Variants in SLC9A9 observed in about 807,000 individuals in gnomAD.
SLC9A9 encodes solute carrier family 9 member A9.
Under a neutral mutation model 77.8 loss-of-function variants are expected in SLC9A9, and 62 were observed. The ratio of observed to expected loss-of-function variants is 0.80; its 90% CI spans 0.65 to 0.98. The LOEUF (loss-of-function observed/expected upper bound fraction) is 0.98. Ranked by LOEUF, SLC9A9 falls within the 50% of genes least tolerant of loss-of-function variation. The probability of loss-of-function intolerance (pLI) is 0.00; values close to 1 mark genes in which losing one functional copy is unlikely to be tolerated. For missense variants in SLC9A9, 775 were observed against 774.9 expected (o/e 1.00, Z 0.00); for synonymous variants, 320 against 283.5 (o/e 1.13, Z -1.29).
At chr3:143,476,879 G>T (rs917707309) in intron 11 of SLC9A9, among the ~76,000 whole-genome samples, 3 of 152,136 alleles carry the variant, frequency 2.0e-5, no homozygotes, top group African/African-American at 7.2e-5. Flanking sequence ...TAAACATTCT[G>T]CAATGTTCAA....
intron 4 of SLC9A9, among the ~76,000 whole-genome samples, chr3:143,701,104 G>A (rs943166064): frequency 3.2e-4 from 48 of 152,194 alleles, no homozygotes; most frequent in African/African-American, 1.1e-3. Context: ...CTGGGCTTGG[G>A]GTGCCCCTGA....
intron 14 of SLC9A9, among the ~76,000 whole-genome samples, chr3:143,320,708 C>T (rs553961199): frequency 3.2e-4 from 48 of 152,316 alleles, no homozygotes; most frequent in African/African-American, 1.1e-3. Context: ...CATTGGGAAT[C>T]GCATTTCAAC....
chr3:143,804,622 T>C (rs1007359014), intron 2 of SLC9A9, among the ~76,000 whole-genome samples: 3 of 152,206 alleles, frequency 2.0e-5, no homozygotes, highest in Non-Finnish European at 2.9e-5. Context: ...ACCTGCTAAC[T>C]GGACAGGCAC....
At chr3:143,827,408 A>G (rs1002172016) in intron 2 of SLC9A9, among the ~76,000 whole-genome samples, 1 of 152,206 alleles carries the variant, frequency 6.6e-6, no homozygotes, top group Non-Finnish European at 1.5e-5. Flanking sequence ...CTTTAAGTGA[A>G]AATATTTTTT....
At chr3:143,762,534 G>T (rs776588589) in intron 4 of SLC9A9, among the ~76,000 whole-genome samples, 1 of 152,040 alleles carries the variant, frequency 6.6e-6, no homozygotes, top group Non-Finnish European at 1.5e-5. Flanking sequence ...CTTTGTAATG[G>T]GTTGTTTTAG....
intron 12 of SLC9A9, 63 bp downstream of exon 12, chr3:143,466,974 C>T (rs932922638): frequency 6.3e-7 from 1 of 1,575,112 alleles, no homozygotes; most frequent in Non-Finnish European, 8.6e-7. Flanking sequence ...GTCAGCAATA[C>T]CAGAAATTGA....
chr3:143,760,196 T>C (rs1253353318), intron 4 of SLC9A9, among the ~76,000 whole-genome samples: 3 of 152,130 alleles, frequency 2.0e-5, no homozygotes, highest in Non-Finnish European at 2.9e-5. Context: ...ACCTAATTTA[T>C]TGAGAGTTTT....
intron 12 of SLC9A9, among the ~76,000 whole-genome samples, chr3:143,386,687 T>C (rs1171510992): frequency 6.6e-6 from 1 of 152,212 alleles, no homozygotes; most frequent in Non-Finnish European, 1.5e-5. Context: ...CTCCTAGTCC[T>C]TGTTTCTGCA....
intron 6 of SLC9A9, among the ~76,000 whole-genome samples, chr3:143,610,741 A>C (rs573781135): frequency 9.8e-5 from 15 of 152,330 alleles, no homozygotes; most frequent in Admixed American, 7.8e-4. Flanking sequence ...TTGGCATTCA[A>C]CTTAAACCTC....
At chr3:143,796,765 T>C in intron 3 of SLC9A9, 61 bp downstream of exon 3, 8 of 1,201,518 alleles carry the variant, frequency 6.7e-6, no homozygotes, top group Non-Finnish European at 9.7e-6. Flanking sequence ...CAGTTTCTCA[T>C]TAGTGCTGGT....
At chr3:143,823,235 G>A (rs1280982681) in intron 2 of SLC9A9, among the ~76,000 whole-genome samples, 1 of 152,182 alleles carries the variant, frequency 6.6e-6, no homozygotes, top group African/African-American at 2.4e-5. Context: ...CTGTAGACAA[G>A]TGACATTGAG....
chr3:143,400,662 C>T (rs1331193803), intron 12 of SLC9A9, among the ~76,000 whole-genome samples: 3 of 151,248 alleles, frequency 2.0e-5, no homozygotes, highest in Non-Finnish European at 4.4e-5. Flanking sequence ...CAAATACCAC[C>T]TGTTTCCCAA....
chr3:143,783,927 A>G (rs567813403), intron 4 of SLC9A9, among the ~76,000 whole-genome samples: 1 of 152,376 alleles, frequency 6.6e-6, no homozygotes, highest in African/African-American at 2.4e-5. Context: ...ATAAGATGCC[A>G]ATATCAAGCT....
chr3:143,284,078 T>G (rs996069984), intron 14 of SLC9A9, among the ~76,000 whole-genome samples: 3 of 152,002 alleles, frequency 2.0e-5, no homozygotes, highest in African/African-American at 7.3e-5. Flanking sequence ...AGATCCAGAT[T>G]TAAGCCAAAC....
At chr3:143,596,875 T>G (rs1462630779) in intron 6 of SLC9A9, among the ~76,000 whole-genome samples, 1 of 152,196 alleles carries the variant, frequency 6.6e-6, no homozygotes, top group African/African-American at 2.4e-5. Context: ...TTGCCCAGGC[T>G]GGTCTTGAAC....
intron 6 of SLC9A9, among the ~76,000 whole-genome samples, chr3:143,589,175 T>C (rs1029199734): frequency 6.6e-6 from 1 of 152,214 alleles, no homozygotes; most frequent in Admixed American, 6.5e-5. Flanking sequence ...AAGCATTCAC[T>C]ATGTGTCAAG....
At chr3:143,477,395 A>G (rs1175244888) in intron 11 of SLC9A9, among the ~76,000 whole-genome samples, 1 of 111,372 alleles carries the variant, frequency 9.0e-6, no homozygotes, top group African/African-American at 3.5e-5. Context: ...TCAGGGCTCT[A>G]TTCTGAGAGT....
At chr3:143,495,260 T>C in intron 10 of SLC9A9, 75 bp downstream of exon 10, 1 of 1,286,352 alleles carries the variant, frequency 7.8e-7, no homozygotes, top group Non-Finnish European at 1.1e-6. Flanking sequence ...TTTAATGATT[T>C]AACAGAATAA....
chr3:143,765,072 T>C (rs1275610452), intron 4 of SLC9A9, among the ~76,000 whole-genome samples: 2 of 147,502 alleles, frequency 1.4e-5, no homozygotes, highest in African/African-American at 2.7e-5. Flanking sequence ...CCTCTTTTTC[T>C]CTCTTTCTTT....
Sources: gnomAD v4.1 joint callset for allele counts (sites outside exome capture counted in the v4.1 genomes callset) on GRCh38, gnomAD v4.1.1 for gene constraint, MANE v1.5 for transcripts, NCBI Gene and HGNC (gene_info 2026-07-23, HGNC 2026-07-21) for gene names.